CACNG5: variants seen among roughly 807,000 people sequenced by gnomAD.
CACNG5 encodes the protein calcium voltage-gated channel auxiliary subunit gamma 5, also known as voltage-dependent calcium channel gamma-5 subunit.
Under a neutral mutation model 24.8 loss-of-function variants are expected in CACNG5, and 18 were observed. The ratio of observed to expected loss-of-function variants is 0.73; its 90% CI spans 0.50 to 1.08. The LOEUF is 1.08. Ranked by LOEUF, CACNG5 falls within the 50% of genes least tolerant of loss-of-function variation. The pLI, the probability that CACNG5 is intolerant of heterozygous loss-of-function variation, is 0.00. For synonymous variants in CACNG5, 157 were observed against 149.1 expected (o/e 1.05, Z -0.39); for missense variants, 349 against 367.9 (o/e 0.95, Z 0.42).
rs1287034924 is a variant in CACNG5, at chr17:66,894,593, T to C, written c.*9353T>C. Among the ~76,000 whole-genome samples, 1 of 152,130 alleles carries C rather than the reference T, an allele frequency of 6.6e-6. No individual in the cohort carries two copies. Among genetic ancestry groups the C allele is most frequent in the Non-Finnish European group, 1.5e-5 (1 of 68,030 alleles). The stretch of plus-strand genomic sequence containing the variant: ...GGTTCACATAAGGCCTGGCTCTTGA[T>C]TTTTTATTCATTCATTCATTTTTTT... On this transcript the variant is annotated 3_prime_UTR_variant, in exon 6 of 6. Transcript: ENST00000533854.
chr17:66,887,412 C>A lies in CACNG5; in HGVS notation c.*2172C>A, dbSNP rs1224074472. 6.6e-6 allele frequency among the ~76,000 whole-genome samples: 1 copy of A among 151,868 alleles called. No homozygotes were observed. Among genetic ancestry groups the A allele is most frequent in the Non-Finnish European group, 1.5e-5 (1 of 67,986 alleles). On this transcript the variant is annotated 3_prime_UTR_variant, in exon 6 of 6. Transcript: ENST00000533854. ...ATAAACTGATAGCAACTGCAAGGCC[C>A]CCCTCCCTCTCCACTGGCACCCTTG...
At chr17:66,874,904 G>A (rs1056118885) in intron 1 of CACNG5, among the ~76,000 whole-genome samples, 1 of 152,178 alleles carries the variant, frequency 6.6e-6, no homozygotes, top group Non-Finnish European at 1.5e-5. Flanking sequence ...TTTGGCAGAT[G>A]TTGGGACTTT....
chr17:66,868,172 T>G (rs1976955092), intron 1 of CACNG5, among the ~76,000 whole-genome samples: 1 of 152,184 alleles, frequency 6.6e-6, no homozygotes, highest in African/African-American at 2.4e-5. Context: ...CAGTGACCCT[T>G]GCTGGGTGCC....
chr17:66,841,819 T>C (rs569480899), intron 1 of CACNG5, among the ~76,000 whole-genome samples: 1 of 152,336 alleles, frequency 6.6e-6, no homozygotes, highest in East Asian at 1.9e-4. Flanking sequence ...GTCTGCTCTG[T>C]GTCAAGGGTC....
rs1249492101 is a variant in CACNG5 at position 66,892,243 on chromosome 17, AGAC to A, written c.*7005_*7007del. On this transcript the variant is annotated 3_prime_UTR_variant, in exon 6 of 6. Transcript: ENST00000533854. Reference sequence around the variant, plus strand: ...CTCCGACAAGGCTGTGCCTGGGGCAAGACGCCAAATTCATGGGCTCATGCCCAG... The same window carrying A: ...CTCCGACAAGGCTGTGCCTGGGGCAAGCCAAATTCATGGGCTCATGCCCAG... Among the ~76,000 whole-genome samples the A allele has an allele frequency of 6.6e-6, 1 of 152,244 alleles. No homozygotes were observed. The highest frequency in any genetic ancestry group is 2.4e-5 in the African/African-American group (1 of 41,464).
chr17:66,875,975 C>T (rs566615808), intron 1 of CACNG5, among the ~76,000 whole-genome samples: 51 of 152,318 alleles, frequency 3.3e-4, no homozygotes, highest in African/African-American at 1.2e-3. Context: ...CCCATCATAG[C>T]AGTTGCTACA....
At chr17:66,884,801 C>T in intron 5 of CACNG5, 140 bp downstream of exon 5, 5 of 1,613,360 alleles carry the variant, frequency 3.1e-6, no homozygotes, top group Non-Finnish European at 4.2e-6. Flanking sequence ...CCTTCCTCAT[C>T]CCAGAATGTG....
rs1977307390 is a variant in CACNG5, at chr17:66,889,245, G to A, written c.*4005G>A. 6.6e-6 allele frequency among the ~76,000 whole-genome samples: 1 copy of A among 152,196 alleles called. No homozygotes were observed. Among genetic ancestry groups the A allele is most frequent in the African/African-American group, 2.4e-5 (1 of 41,454 alleles). ...CAAAGTGCTGGGATTACAGGCATGA[G>A]CCACTGTGCCCATCCTCTACCCTCT... On this transcript the variant is annotated 3_prime_UTR_variant, in exon 6 of 6. Coordinates refer to ENST00000533854, the MANE Select transcript of CACNG5 (RefSeq NM_145811.3).
At chr17:66,873,888 T>C (rs1462825775) in intron 1 of CACNG5, among the ~76,000 whole-genome samples, 1 of 151,382 alleles carries the variant, frequency 6.6e-6, no homozygotes, top group African/African-American at 2.4e-5. Flanking sequence ...TTTACCATAA[T>C]GTGCAATGCG....
intron 1 of CACNG5, among the ~76,000 whole-genome samples, chr17:66,858,383 C>A (rs1490828591): frequency 6.6e-6 from 1 of 152,138 alleles, no homozygotes; most frequent in Non-Finnish European, 1.5e-5. Flanking sequence ...AGAGGGACAG[C>A]CATTCCTGTA....
chr17:66,874,832 C>T (rs1051089529), intron 1 of CACNG5, among the ~76,000 whole-genome samples: 1 of 152,184 alleles, frequency 6.6e-6, no homozygotes, highest in African/African-American at 2.4e-5. Flanking sequence ...AGCCATATCC[C>T]TTTGTTCTCC....
chr17:66,869,368 G>A (rs369241080), intron 1 of CACNG5, among the ~76,000 whole-genome samples: 1 of 152,222 alleles, frequency 6.6e-6, no homozygotes, highest in East Asian at 1.9e-4. Flanking sequence ...ACAGGTGTGA[G>A]CCAACTCGCC....
chr17:66,848,665 G>A (rs1407130660), intron 1 of CACNG5, among the ~76,000 whole-genome samples: 1 of 152,146 alleles, frequency 6.6e-6, no homozygotes, highest in Non-Finnish European at 1.5e-5. Flanking sequence ...CAGGGGAGAC[G>A]AATTTGAGGT....
Position 66,879,047 on chromosome 17 carries a change from T to C in CACNG5, c.272T>C (p.Val91Ala). The C allele has an allele frequency of 6.2e-7, 1 of 1,613,798 alleles. No individual in the cohort carries two copies. The highest frequency in any genetic ancestry group is 8.5e-7 in the Non-Finnish European group (1 of 1,179,858). The change falls in exon 3 of 6, where the codon GTC (valine) becomes GCC (alanine). Residue 91 changes from valine to alanine, a missense_variant. Coordinates refer to ENST00000533854, the MANE Select transcript of CACNG5 (RefSeq NM_145811.3). ...ACCCAGCTGACATCCGAGTCCACGG[T>C]CAATGTTCTAAGTAAGTGCCTTGAG... ...MNTQLTSESTVNVLKMIRSAT... is the reference protein window; with the variant it reads ...MNTQLTSESTANVLKMIRSAT...
chr17:66,845,433 CAT>C (rs371491855), intron 1 of CACNG5, among the ~76,000 whole-genome samples: 208 of 148,864 alleles, frequency 1.4e-3, no homozygotes, highest in African/African-American at 5.0e-3. Flanking sequence ...ACATTCTGCA[CAT>C]GTGTCCCAGA....
chr17:66,879,508 A>G lies in CACNG5; in HGVS notation c.283+450A>G, dbSNP rs945663130. ...CCCTGGCCTCCTGCACTTCTGACCA[A>G]TTAGCTCCAAATATGGGAGCTCCCA... On this transcript the variant is annotated intron_variant, in intron 3 of 5. Coordinates refer to ENST00000533854, the MANE Select transcript of CACNG5 (RefSeq NM_145811.3). Among the ~76,000 whole-genome samples, 12 of 152,282 alleles carry G rather than the reference A, an allele frequency of 7.9e-5. No individual in the cohort carries two copies. The South Asian group carries it at 1.5e-3, about 18-fold the overall frequency.
At chr17:66,862,294 T>C (rs1274423315) in intron 1 of CACNG5, among the ~76,000 whole-genome samples, 2 of 151,798 alleles carry the variant, frequency 1.3e-5, no homozygotes, top group Non-Finnish European at 2.9e-5. Context: ...TAGGTACAGG[T>C]GTTGGGGAGA....
chr17:66,869,298 G>T (rs964959374), intron 1 of CACNG5, among the ~76,000 whole-genome samples: 1 of 152,158 alleles, frequency 6.6e-6, no homozygotes, highest in South Asian at 2.1e-4. Context: ...TGGCCAGGCT[G>T]GTCTCAAACT....
intron 1 of CACNG5, among the ~76,000 whole-genome samples, chr17:66,873,557 C>A (rs888825794): frequency 6.6e-6 from 1 of 152,206 alleles, no homozygotes; most frequent in African/African-American, 2.4e-5. Context: ...TCAGCTTCGA[C>A]CAGGCAACAG....
Sources: allele counts gnomAD v4.1 joint callset (sites outside exome capture counted in the v4.1 genomes callset), GRCh38; gene constraint gnomAD v4.1.1; transcripts MANE v1.5; gene names NCBI Gene and HGNC (gene_info 2026-07-23, HGNC 2026-07-21).